Variants in BNC2 observed in about 807,000 individuals in gnomAD.
The protein encoded by BNC2 is zinc finger protein basonuclin-2.
In BNC2, 20 loss-of-function variants were observed where a neutral mutation model predicts 76.3. The ratio of observed to expected loss-of-function variants is 0.26; its 90% confidence interval spans 0.18 to 0.38. The LOEUF (loss-of-function observed/expected upper bound fraction) is 0.38, where lower values mean the gene tolerates loss of function less well. Ranked by LOEUF, BNC2 falls within the 10% of genes least tolerant of loss-of-function variation. BNC2 has a pLI of 1.00. For missense variants in BNC2, 1,382 were observed against 1,399.8 expected, an observed-to-expected ratio of 0.99 and a Z score of 0.20; for synonymous variants, 582 against 514.8, an observed-to-expected ratio of 1.13 and a Z score of -1.77.
intron 1 of BNC2, among the ~76,000 whole-genome samples, chr9:16,785,166 G>A (rs952107112): frequency 2.6e-5 from 4 of 152,136 alleles, no homozygotes; most frequent in Non-Finnish European, 5.9e-5. Flanking sequence ...CCCACTAGGC[G>A]AGGTTAATAT....
intron 1 of BNC2, among the ~76,000 whole-genome samples, chr9:16,796,716 T>C (rs553878333): frequency 6.6e-6 from 1 of 152,250 alleles, no homozygotes; most frequent in South Asian, 2.1e-4. Flanking sequence ...ATAGAATTCC[T>C]GCTGTTTCAA....
At chr9:16,576,997 A>T (rs564222435) in intron 4 of BNC2, among the ~76,000 whole-genome samples, 159 of 152,284 alleles carry the variant, frequency 1.0e-3, no homozygotes, top group African/African-American at 3.6e-3. Flanking sequence ...CGGCCTCCCA[A>T]AGTGCTGGGA....
intron 5 of BNC2, among the ~76,000 whole-genome samples, chr9:16,540,823 G>C (rs532841125): frequency 6.6e-6 from 1 of 152,272 alleles, no homozygotes; most frequent in Non-Finnish European, 1.5e-5. Flanking sequence ...ACAGACACTA[G>C]CACCTCATTG....
Position 16,582,993 on chromosome 9 carries a change from C to G in BNC2, c.423G>C (p.Trp141Cys). The G allele has an allele frequency of 6.2e-7, 1 of 1,613,256 alleles. No homozygotes were observed. Residue 141 changes from tryptophan (W) to cysteine (C), a missense_variant, in exon 4 of 7, where the codon TGG becomes TGC. By Grantham distance (215) the Trp-to-Cys change is radical. Coordinates refer to ENST00000380672, the MANE Select transcript of BNC2 (RefSeq NM_017637.6). ...LRTCDQCKHG[W>C]VAHALDKLST... is the part of the protein sequence containing the mutation. ...CCAGATTTTCCTCACCATGTGCCAC[C>G]CAGCCATGTTTACACTGATCACAAG...
chr9:16,599,576 A>G (rs1480345043), intron 3 of BNC2, among the ~76,000 whole-genome samples: 2 of 152,110 alleles, frequency 1.3e-5, no homozygotes, highest in African/African-American at 4.8e-5. Flanking sequence ...CTGAGGTCAG[A>G]AGTTCAACAC....
At chr9:16,776,161 G>C (rs149659947) in intron 1 of BNC2, among the ~76,000 whole-genome samples, 160 of 151,920 alleles carry the variant, frequency 1.1e-3, no homozygotes, top group African/African-American at 3.2e-3. Context: ...TTTTTTAAGA[G>C]GGAGTTTCGC....
chr9:16,690,532 C>T (rs1221358996), intron 3 of BNC2, among the ~76,000 whole-genome samples: 1 of 152,044 alleles, frequency 6.6e-6, no homozygotes, highest in Non-Finnish European at 1.5e-5. Flanking sequence ...AGAGTGAAAC[C>T]CTGTTTCAAA....
At chr9:16,525,861 TTCA>T (rs1817784008) in intron 5 of BNC2, among the ~76,000 whole-genome samples, 1 of 152,224 alleles carries the variant, frequency 6.6e-6, no homozygotes, top group South Asian at 2.1e-4. Context: ...ATCACTTACT[TTCA>T]ACCACAGTCC....
chr9:16,429,972 G>A (rs987024948), intron 6 of BNC2: 1 of 515,730 alleles, frequency 1.9e-6, no homozygotes, highest in Admixed American at 2.0e-5. Flanking sequence ...CAAGGAGACC[G>A]TTTTGCTCAT....
At chr9:16,608,512 A>AT (rs1199103314) in intron 3 of BNC2, among the ~76,000 whole-genome samples, 3 of 152,144 alleles carry the variant, frequency 2.0e-5, no homozygotes, top group Non-Finnish European at 2.9e-5. Context: ...AATTTTTTAA[A>AT]TTTTGTTTTA....
chr9:16,565,641 C>T (rs1012186991), intron 4 of BNC2, among the ~76,000 whole-genome samples: 1 of 151,884 alleles, frequency 6.6e-6, no homozygotes, highest in African/African-American at 2.4e-5. Flanking sequence ...GACCCTGTCT[C>T]TACAAAAAAT....
rs537047008 is a variant in BNC2 at position 16,761,333 on chromosome 9, A to G, written c.4-22848T>C. ...TTCTGGTATAGAGGTAGCAATAGTTAGCTGCAATTTCAGAGGTAATTCCAC... is the reference window on the plus strand; with the variant it reads ...TTCTGGTATAGAGGTAGCAATAGTTGGCTGCAATTTCAGAGGTAATTCCAC... On this transcript the variant is annotated intron_variant, in intron 1 of 6. Coordinates refer to ENST00000380672, the MANE Select transcript of BNC2 (RefSeq NM_017637.6). 2.0e-5 allele frequency among the ~76,000 whole-genome samples: 3 copies of G among 152,352 alleles called. No homozygotes were observed. The South Asian group carries it at 6.2e-4, about 32-fold the overall frequency.
chr9:16,816,908 A>G (rs1329570600), intron 1 of BNC2, among the ~76,000 whole-genome samples: 1 of 152,224 alleles, frequency 6.6e-6, no homozygotes, highest in Admixed American at 6.5e-5. Context: ...ACTGGAATCA[A>G]GTGATCTCAT....
chr9:16,490,331 A>C (rs1403506366), intron 5 of BNC2, among the ~76,000 whole-genome samples: 1 of 152,034 alleles, frequency 6.6e-6, no homozygotes, highest in East Asian at 1.9e-4. Context: ...TCAGATCTGG[A>C]GAGACTTATT....
chr9:16,643,847 T>C (rs1192696047), intron 3 of BNC2, among the ~76,000 whole-genome samples: 1 of 152,060 alleles, frequency 6.6e-6, no homozygotes, highest in East Asian at 1.9e-4. Flanking sequence ...ATTAAAGAAA[T>C]CTTCAAACAG....
intron 1 of BNC2, among the ~76,000 whole-genome samples, chr9:16,832,754 T>A (rs1291610418): frequency 2.0e-5 from 3 of 151,316 alleles, no homozygotes; most frequent in Non-Finnish European, 4.4e-5. Flanking sequence ...TGAGATGGAG[T>A]CTCGCTCTGT....
At chr9:16,542,219 G>C (rs1250632547) in intron 5 of BNC2, among the ~76,000 whole-genome samples, 3 of 152,106 alleles carry the variant, frequency 2.0e-5, no homozygotes, top group Non-Finnish European at 4.4e-5. Flanking sequence ...GGGGGCTAAT[G>C]TAAGAAATAC....
intron 3 of BNC2, among the ~76,000 whole-genome samples, chr9:16,705,782 T>G (rs1823651377): frequency 6.6e-6 from 1 of 152,208 alleles, no homozygotes; most frequent in Non-Finnish European, 1.5e-5. Flanking sequence ...AAGGTGCCAG[T>G]TCTTTCACAT....
At chr9:16,690,123 C>A (rs1207346962) in intron 3 of BNC2, among the ~76,000 whole-genome samples, 1 of 152,124 alleles carries the variant, frequency 6.6e-6, no homozygotes, top group African/African-American at 2.4e-5. Context: ...GACTAAGACT[C>A]AGAAGGACCA....
Sources: allele counts gnomAD v4.1 joint callset (sites outside exome capture counted in the v4.1 genomes callset), GRCh38; gene constraint gnomAD v4.1.1; transcripts MANE v1.5; gene names NCBI Gene and HGNC (gene_info 2026-07-23, HGNC 2026-07-21).